Variants in TRIO observed in about 807,000 individuals in gnomAD.
TRIO encodes the protein triple functional domain protein.
Under a neutral mutation model 351.9 loss-of-function variants are expected in TRIO, and 58 were observed. The observed-to-expected ratio is 0.16, with a 90% CI of 0.13 to 0.21. The LOEUF is 0.21. TRIO is among the 10% of genes least tolerant of loss of function. The pLI is 1.00. For missense variants in TRIO, 3,201 were observed against 4,027.8 expected, an observed-to-expected ratio of 0.79 and a Z score of 5.56; for synonymous variants, 1,758 against 1,595.7, an observed-to-expected ratio of 1.10 and a Z score of -2.42.
chr5:14,487,827 AG>A lies in TRIO; in HGVS notation c.7203del (p.Ser2402ProfsTer11). 6.7e-7 allele frequency: 1 copy of A among 1,491,924 alleles called. No homozygotes were observed. The highest frequency in any genetic ancestry group is 2.3e-5 in the Admixed American group (1 of 43,254). The allele number at this position is 1,491,924 out of a possible 1,614,324, so 92.4% of individuals were successfully genotyped here. ...AGGCGGCCCCCCGGCGCGGACGCCG[AG>A]GGGTCCGAGCGAGAAGCGGAGCCGA... ...PSRRPPGADA[E>X]GSEREAEPIP... is the part of the protein sequence containing the mutation. On this transcript the variant is annotated frameshift_variant, in exon 48 of 57. Transcript: ENST00000344204. LOFTEE classifies it high-confidence loss of function.
intron 7 of TRIO, among the ~76,000 whole-genome samples, chr5:14,301,066 A>G (rs1241796268): frequency 1.3e-5 from 2 of 152,148 alleles, no homozygotes; most frequent in African/African-American, 4.8e-5. Flanking sequence ...TAGGCAGAAG[A>G]AATGAGTGGC....
intron 27 of TRIO, among the ~76,000 whole-genome samples, chr5:14,391,375 C>T (rs1747070553): frequency 6.6e-6 from 1 of 152,072 alleles, no homozygotes; most frequent in African/African-American, 2.4e-5. Context: ...CTCAGTAAAA[C>T]AAAAATAAAT....
chr5:14,331,029 G>C (rs1296307885), intron 10 of TRIO, 129 bp downstream of exon 10: 3 of 1,351,422 alleles, frequency 2.2e-6, no homozygotes, highest in Non-Finnish European at 3.0e-6. Context: ...TGAGGTAAAG[G>C]CTCCGATTTC....
chr5:14,430,568 ACATT>A (rs1561482689), intron 34 of TRIO, among the ~76,000 whole-genome samples: 1 of 152,192 alleles, frequency 6.6e-6, no homozygotes, highest in African/African-American at 2.4e-5. Context: ...TGCAAGAGAT[ACATT>A]CACAAGGCTG....
intron 1 of TRIO, among the ~76,000 whole-genome samples, chr5:14,161,679 A>C (rs1479837168): frequency 2.0e-5 from 3 of 152,168 alleles, no homozygotes; most frequent in African/African-American, 7.2e-5. Context: ...AGAGATTCTG[A>C]TTTAGTGGTT....
At chr5:14,183,760 G>A (rs1431746335) in intron 1 of TRIO, 27 of 519,066 alleles carry the variant, frequency 5.2e-5, no homozygotes, top group South Asian at 3.1e-4. Flanking sequence ...GAAGGCATGC[G>A]GCCGCAGTTA....
At chr5:14,223,213 T>A (rs1792761386) in intron 1 of TRIO, among the ~76,000 whole-genome samples, 1 of 152,260 alleles carries the variant, frequency 6.6e-6, no homozygotes, top group Non-Finnish European at 1.5e-5. Flanking sequence ...TTAAATTCTA[T>A]GATTCTATCT....
chr5:14,479,203 G>C lies in TRIO; in HGVS notation c.6154-58G>C, dbSNP rs556830309. ...TGTGCTGAAATGTGCGGGTACTCGT[G>C]TATTCTAATCGAATTTCCCATTGTT... On this transcript the variant is annotated intron_variant, in intron 41 of 56. Transcript: ENST00000344204. The C allele has an allele frequency of 4.4e-5, 62 of 1,412,864 alleles. No individual in the cohort carries two copies. The African/African-American group carries it at 8.3e-4, about 19-fold the overall frequency. The allele number at this position is 1,412,864 out of a possible 1,614,324, so 87.5% of individuals were successfully genotyped here. A position where few individuals can be genotyped will look rare whatever the true frequency, so the allele number is the denominator to read the frequency against.
intron 9 of TRIO, 29 bp from the exon 10 acceptor site, chr5:14,330,749 A>G (rs1740834353): frequency 1.2e-6 from 2 of 1,609,474 alleles, no homozygotes; most frequent in African/African-American, 1.3e-5. Context: ...CATTGTTTTT[A>G]TGGCATATGT....
At chr5:14,387,888 A>G in intron 23 of TRIO, 41 bp downstream of exon 23, 1 of 1,597,046 alleles carries the variant, frequency 6.3e-7, no homozygotes. Flanking sequence ...TCACTGGAAA[A>G]GTGAAGAGAA....
chr5:14,181,315 C>T (rs543983077), intron 1 of TRIO, among the ~76,000 whole-genome samples: 203 of 152,308 alleles, frequency 1.3e-3, no homozygotes, highest in Non-Finnish European at 2.5e-3. Context: ...GTTAGTACTT[C>T]TCTGAAGTTT....
At chr5:14,436,432 A>C (rs964950466) in intron 34 of TRIO, among the ~76,000 whole-genome samples, 3 of 151,846 alleles carry the variant, frequency 2.0e-5, no homozygotes, top group Non-Finnish European at 2.9e-5. Context: ...ACACAGCCAA[A>C]CCGTATCATT....
At chr5:14,347,860 A>G (rs1163841703) in intron 11 of TRIO, among the ~76,000 whole-genome samples, 3 of 152,262 alleles carry the variant, frequency 2.0e-5, no homozygotes, top group Admixed American at 2.0e-4. Context: ...GCTAGAATTC[A>G]GATCCCAACA....
At chr5:14,145,716 C>G (rs776835581) in intron 1 of TRIO, among the ~76,000 whole-genome samples, 4 of 152,126 alleles carry the variant, frequency 2.6e-5, no homozygotes, top group Non-Finnish European at 5.9e-5. Context: ...TTTGTGAGAC[C>G]AGGCTTTTTT....
rs1018466024 is a variant in TRIO at position 14,182,535 on chromosome 5, A to G, written c.157+38653A>G. On this transcript the variant is annotated intron_variant, in intron 1 of 56. Coordinates refer to ENST00000344204, the MANE Select transcript of TRIO (RefSeq NM_007118.4). ...CTTGTGGTAATACATACATGATTCAATGACAGTATCAATTCTATGCCTTAA... is the reference window on the plus strand; with the variant it reads ...CTTGTGGTAATACATACATGATTCAGTGACAGTATCAATTCTATGCCTTAA... Among the ~76,000 whole-genome samples the G allele has an allele frequency of 3.9e-5, 6 of 152,222 alleles. No homozygotes were observed. In the South Asian group the frequency reaches 8.3e-4, roughly 21 times the overall value.
chr5:14,443,497 C>G (rs1752220227), intron 34 of TRIO, among the ~76,000 whole-genome samples: 1 of 152,142 alleles, frequency 6.6e-6, no homozygotes, highest in Admixed American at 6.5e-5. Flanking sequence ...AAGAATGATT[C>G]TGGGTAATAT....
At chr5:14,388,526 C>A in intron 23 of TRIO, 87 bp from the exon 24 acceptor site, 1 of 1,282,272 alleles carries the variant, frequency 7.8e-7, no homozygotes, top group Non-Finnish European at 1.1e-6. Context: ...CTTTTAGACC[C>A]ACTCTGTTAT....
chr5:14,435,215 A>C (rs1751485676), intron 34 of TRIO, among the ~76,000 whole-genome samples: 1 of 152,156 alleles, frequency 6.6e-6, no homozygotes, highest in Non-Finnish European at 1.5e-5. Flanking sequence ...TGAAAAGGGA[A>C]AAAAAGGGGG....
intron 1 of TRIO, among the ~76,000 whole-genome samples, chr5:14,223,025 C>CAA (rs1792748656): frequency 6.6e-6 from 1 of 152,144 alleles, no homozygotes; most frequent in Non-Finnish European, 1.5e-5. Context: ...CCTTTTGTCT[C>CAA]TGGGATAGCC....
Sources: allele counts gnomAD v4.1 joint callset (sites outside exome capture counted in the v4.1 genomes callset), GRCh38; gene constraint gnomAD v4.1.1; transcripts MANE v1.5; gene names NCBI Gene and HGNC (gene_info 2026-07-23, HGNC 2026-07-21).